PHF24: variants seen among roughly 807,000 people sequenced by gnomAD.
PHF24 encodes the protein PHD finger protein 24.
A neutral mutation model predicts 42.6 loss-of-function variants in PHF24; 25 were observed. The observed-to-expected ratio is 0.59, with a 90% CI of 0.43 to 0.82. The LOEUF (loss-of-function observed/expected upper bound fraction) is 0.82. Ranked by LOEUF, PHF24 falls within the 40% of genes least tolerant of loss-of-function variation. The pLI is 0.00. For missense variants in PHF24, 470 were observed against 538.1 expected, an observed-to-expected ratio of 0.87 and a Z score of 1.25; for synonymous variants, 185 against 204.8, an observed-to-expected ratio of 0.90 and a Z score of 0.83.
the PHF24 span, among the ~76,000 whole-genome samples, chr9:34,825,058 T>G: frequency 2.6e-5 from 4 of 152,068 alleles, no homozygotes; most frequent in Admixed American, 6.6e-5. Flanking sequence ...GAGCTACATA[T>G]GAGATCATGT....
the PHF24 span, among the ~76,000 whole-genome samples, chr9:34,759,984 T>C: frequency 1.3e-5 from 2 of 152,306 alleles, 1 homozygote; most frequent in South Asian, 4.1e-4. Flanking sequence ...AGTGTCTTCC[T>C]GAACAAGGGC....
At chr9:34,874,590 T>C in the PHF24 span, among the ~76,000 whole-genome samples, 1 of 152,144 alleles carries the variant, frequency 6.6e-6, no homozygotes, top group African/African-American at 2.4e-5. Flanking sequence ...ACAAGTTATT[T>C]AGTAATTCCC....
At chr9:34,700,812 A>C in the PHF24 span, among the ~76,000 whole-genome samples, 5 of 152,162 alleles carry the variant, frequency 3.3e-5, no homozygotes, top group African/African-American at 1.2e-4. Flanking sequence ...AGAAACAGGA[A>C]TCAGGGAAGG....
chr9:34,871,381 A>G, the PHF24 span, among the ~76,000 whole-genome samples: 7 of 152,102 alleles, frequency 4.6e-5, no homozygotes, highest in Non-Finnish European at 7.4e-5. Flanking sequence ...TTCTTCCAGT[A>G]TGTGGTGTGT....
At chr9:34,683,248 A>G in the PHF24 span, among the ~76,000 whole-genome samples, 5 of 152,154 alleles carry the variant, frequency 3.3e-5, no homozygotes, top group Non-Finnish European at 5.9e-5. Flanking sequence ...TTTAGTAGAG[A>G]AAGGGTTTTG....
the PHF24 span, among the ~76,000 whole-genome samples, chr9:34,875,950 A>ACTCTCTCTCTCTCTCTCTCTCTCT: frequency 1.9e-4 from 15 of 78,738 alleles, no homozygotes; most frequent in South Asian, 1.1e-3. Context: ...ACACACACAC[A>ACTCTCTCTCTCTCTCTCTCTCTCT]CTCTCTCTCT....
chr9:34,817,527 A>G, the PHF24 span, among the ~76,000 whole-genome samples: 1 of 152,136 alleles, frequency 6.6e-6, no homozygotes, highest in South Asian at 2.1e-4. Flanking sequence ...ACAATCTCTT[A>G]TATCTTCTTT....
At chr9:34,760,050 T>C in the PHF24 span, among the ~76,000 whole-genome samples, 1 of 152,100 alleles carries the variant, frequency 6.6e-6, no homozygotes, top group Non-Finnish European at 1.5e-5. Flanking sequence ...TGGGCATGGA[T>C]CATCACATTT....
At chr9:34,919,461 C>T in the PHF24 span, among the ~76,000 whole-genome samples, 19 of 152,118 alleles carry the variant, frequency 1.2e-4, no homozygotes, top group Non-Finnish European at 2.4e-4. Flanking sequence ...TCCCCACCCA[C>T]CCTTTCCAGC....
the PHF24 span, among the ~76,000 whole-genome samples, chr9:34,720,439 G>T: frequency 7.2e-6 from 1 of 139,082 alleles, no homozygotes; most frequent in Non-Finnish European, 1.5e-5. Flanking sequence ...GCGACAGAGC[G>T]AGACTCCGTC....
the PHF24 span, among the ~76,000 whole-genome samples, chr9:34,879,112 C>G: frequency 2.6e-5 from 4 of 152,190 alleles, no homozygotes; most frequent in Non-Finnish European, 5.9e-5. Context: ...GAGTGGACCT[C>G]CAGCAAACTC....
At chr9:34,936,065 C>G in the PHF24 span, among the ~76,000 whole-genome samples, 1 of 151,712 alleles carries the variant, frequency 6.6e-6, no homozygotes, top group African/African-American at 2.4e-5. Flanking sequence ...CTCCCTCTCC[C>G]TCTCCCCACG....
chr9:34,811,422 G>A, the PHF24 span, among the ~76,000 whole-genome samples: 1 of 152,180 alleles, frequency 6.6e-6, no homozygotes, highest in Non-Finnish European at 1.5e-5. Flanking sequence ...GGTAAGTCAT[G>A]GCAGGGGGTT....
At chr9:34,955,024 T>G (rs1056272923), upstream of PHF24, among the ~76,000 whole-genome samples, 1 of 152,222 alleles carries the variant, frequency 6.6e-6, no homozygotes, top group African/African-American at 2.4e-5. Context: ...TAACATAATT[T>G]TACACGACAG....
the PHF24 span, among the ~76,000 whole-genome samples, chr9:34,858,417 A>G: frequency 6.6e-6 from 1 of 152,026 alleles, no homozygotes; most frequent in Admixed American, 6.5e-5. Context: ...TATGTCCTAG[A>G]GCCTGGGTCC....
chr9:34,913,173 G>A, the PHF24 span, among the ~76,000 whole-genome samples: 3 of 152,056 alleles, frequency 2.0e-5, no homozygotes, highest in Admixed American at 1.3e-4. Context: ...AAAAAAAGAT[G>A]AGTACAATCA....
chr9:34,740,340 A>C, the PHF24 span, among the ~76,000 whole-genome samples: 1 of 152,202 alleles, frequency 6.6e-6, no homozygotes, highest in African/African-American at 2.4e-5. Context: ...AGTGGGTGGG[A>C]GGCTCAGGCA....
chr9:34,963,189 A>T (rs373622708), intron 1 of PHF24, among the ~76,000 whole-genome samples: 1 of 151,878 alleles, frequency 6.6e-6, no homozygotes, highest in Non-Finnish European at 1.5e-5. Flanking sequence ...ACAGCCAGTC[A>T]CTGGAGAACA....
the PHF24 span, among the ~76,000 whole-genome samples, chr9:34,825,891 A>G: frequency 6.6e-6 from 1 of 152,024 alleles, no homozygotes; most frequent in South Asian, 2.1e-4. Flanking sequence ...TTCCCTTCCC[A>G]CCGTCTGGAT....
Sources: allele counts gnomAD v4.1 joint callset (sites outside exome capture counted in the v4.1 genomes callset), GRCh38; gene constraint gnomAD v4.1.1; transcripts MANE v1.5; gene names NCBI Gene and HGNC (gene_info 2026-07-23, HGNC 2026-07-21).